Variants in PAH observed in about 807,000 individuals in gnomAD.
PAH encodes the protein phenylalanine hydroxylase, also known as phenylalanine-4-hydroxylase.
Under a neutral mutation model 62.0 loss-of-function variants are expected in PAH, and 64 were observed. The observed-to-expected ratio is 1.03, with a 90% CI of 0.84 to 1.27. The LOEUF (loss-of-function observed/expected upper bound fraction) is 1.27, where lower values mean the gene tolerates loss of function less well. PAH is among the 50% of genes most tolerant of loss of function. The probability of loss-of-function intolerance (pLI) is 0.00; values close to 1 mark genes in which losing one functional copy is unlikely to be tolerated. For missense variants in PAH, 579 were observed against 542.8 expected (o/e 1.07, Z -0.66); for synonymous variants, 195 against 196.2 (o/e 0.99, Z 0.05).
At position 102,877,468 on chromosome 12, in the gene PAH, G is replaced by T. The variant is rs1375045653; in HGVS notation, c.435C>A (p.Asp145Glu). The change falls in exon 4 of 13, where the codon GAC becomes GAA. Residue 145 changes from aspartate (D) to glutamate (E), a missense_variant. Asp to Glu is a conservative substitution (Grantham distance 45). Transcript: ENST00000553106. ...CTACGGGCCATGGACTCACAGGGTG[G>T]TCAGCATCCAGTTCCGCTCCATAGC... Reference protein sequence around the residue: ...ILSYGAELDADHPGFKDPVYR... With the variant: ...ILSYGAELDAEHPGFKDPVYR... 6.2e-6 allele frequency: 10 copies of T among 1,612,818 alleles called. No individual in the cohort carries two copies. Among genetic ancestry groups the T allele is most frequent in the Non-Finnish European group, 8.5e-6 (10 of 1,178,986 alleles).
rs11829260 is a variant in PAH, at chr12:102,857,085, G to A, written c.510-1753C>T. 2.5e-3 allele frequency among the ~76,000 whole-genome samples: 384 copies of A among 152,274 alleles called. 1 individual carries two copies. The highest frequency in any genetic ancestry group is 8.9e-3 in the African/African-American group (368 of 41,554). ...AAAGAAGCTAAAAACCTTGAAAAAA[G>A]ATTAGATGAATGGCTAACTAGAATA... On this transcript the variant is annotated intron_variant, in intron 5 of 12. Transcript: ENST00000553106.
At chr12:102,881,629 A>T (rs1186797304) in intron 3 of PAH, among the ~76,000 whole-genome samples, 17 of 151,922 alleles carry the variant, frequency 1.1e-4, no homozygotes, top group Admixed American at 1.1e-3. Flanking sequence ...TCATCACCCT[A>T]CCCCCTGGCA....
chr12:102,867,898 G>T (rs376069576), intron 4 of PAH, among the ~76,000 whole-genome samples: 16 of 118,558 alleles, frequency 1.3e-4, no homozygotes, highest in African/African-American at 2.2e-4. Context: ...TACATATATA[G>T]ATGTATATAT....
At chr12:102,852,641 T>A (rs1297052855) in intron 7 of PAH, among the ~76,000 whole-genome samples, 174 bp downstream of exon 7, 1 of 152,186 alleles carries the variant, frequency 6.6e-6, no homozygotes, top group Non-Finnish European at 1.5e-5. Flanking sequence ...CTGGTCTATC[T>A]ACTTGGATGG....
intron 5 of PAH, among the ~76,000 whole-genome samples, chr12:102,856,255 A>C (rs542732783): frequency 6.6e-6 from 1 of 152,136 alleles, no homozygotes; most frequent in Non-Finnish European, 1.5e-5. Flanking sequence ...GGGAAGGCTC[A>C]CATATCTGGA....
intron 4 of PAH, among the ~76,000 whole-genome samples, chr12:102,871,452 C>T (rs1876313342): frequency 6.6e-6 from 1 of 152,182 alleles, no homozygotes; most frequent in Admixed American, 6.5e-5. Context: ...TCTGTTCTTT[C>T]TGTCTTCCTG....
chr12:102,861,977 A>G (rs558166457), intron 5 of PAH, among the ~76,000 whole-genome samples: 1 of 151,936 alleles, frequency 6.6e-6, no homozygotes, highest in East Asian at 1.9e-4. Flanking sequence ...AAAAAAAAAA[A>G]AAAAAGAAAG....
chr12:102,893,484 C>T (rs1877366043), intron 3 of PAH, among the ~76,000 whole-genome samples: 1 of 152,128 alleles, frequency 6.6e-6, no homozygotes, highest in Non-Finnish European at 1.5e-5. Flanking sequence ...CCCTAAAAAG[C>T]AGTCACCTTC....
At chr12:102,956,477 G>C (rs1489116993) in intron 1 of PAH, among the ~76,000 whole-genome samples, 2 of 151,732 alleles carry the variant, frequency 1.3e-5, no homozygotes, top group African/African-American at 4.8e-5. Context: ...GGCCCCGCCG[G>C]GCTCCGCTCC....
Position 102,887,533 on chromosome 12 carries a change from G to A in PAH, c.352+7202C>T, listed in dbSNP as rs117240620. On this transcript the variant is annotated intron_variant, in intron 3 of 12. Transcript: ENST00000553106. ...GTCCACGGAGCTGGTGGTGACAAGT[G>A]ACCTGTTATTGGCTGGGGTTATAGA... Among the ~76,000 whole-genome samples, 90 of 152,116 alleles carry A rather than the reference G, an allele frequency of 5.9e-4. 1 individual carries two copies. In the East Asian group the frequency reaches 0.016, roughly 28 times the overall value.
At chr12:102,897,054 TAA>T (rs975823420) in intron 2 of PAH, among the ~76,000 whole-genome samples, 1 of 152,186 alleles carries the variant, frequency 6.6e-6, no homozygotes, top group African/African-American at 2.4e-5. Flanking sequence ...GCAATATACA[TAA>T]AGTTTTGCCT....
At chr12:102,855,473 G>C in intron 5 of PAH, 141 bp from the exon 6 acceptor site, 3 of 682,390 alleles carry the variant, frequency 4.4e-6, no homozygotes, top group Admixed American at 2.5e-5. Flanking sequence ...TTATTTGAAA[G>C]AGAAAAATTC....
chr12:102,919,088 C>T (rs538392936), upstream of PAH, among the ~76,000 whole-genome samples: 3 of 152,296 alleles, frequency 2.0e-5, no homozygotes, highest in African/African-American at 7.2e-5. Flanking sequence ...GAACTATGCA[C>T]TCCCTTTTAA....
At chr12:102,955,011 G>T (rs529508858), upstream of PAH, among the ~76,000 whole-genome samples, 1 of 152,138 alleles carries the variant, frequency 6.6e-6, no homozygotes, top group Non-Finnish European at 1.5e-5. Context: ...AGAAGAGTGA[G>T]GTCAGGCTCA....
chr12:102,931,783 A>G (rs1263186600), intron 1 of PAH, among the ~76,000 whole-genome samples: 2 of 152,138 alleles, frequency 1.3e-5, no homozygotes, highest in African/African-American at 4.8e-5. Flanking sequence ...CCCTCAATAC[A>G]GAGACTGAGT....
intron 2 of PAH, 147 bp downstream of exon 2, chr12:102,912,644 G>T (rs1452934091): frequency 1.5e-6 from 1 of 684,250 alleles, no homozygotes; most frequent in African/African-American, 1.8e-5. Context: ...CTTAACTAAG[G>T]TCACACAGTT....
intron 1 of PAH, among the ~76,000 whole-genome samples, chr12:102,923,021 C>A (rs1878595372): frequency 6.6e-6 from 1 of 152,188 alleles, no homozygotes; most frequent in Non-Finnish European, 1.5e-5. Context: ...TGTCCACTTT[C>A]CCTATAGTTT....
rs751112303 is a variant in PAH, at chr12:102,839,166, T to C, written c.*9A>G. The C allele has an allele frequency of 1.2e-6, 2 of 1,612,742 alleles. No homozygotes were observed. The highest frequency in any genetic ancestry group is 1.7e-6 in the Non-Finnish European group (2 of 1,178,796). ...TTCACAGCTGACAGACCACATTCTGTCCATGGCTTTACTTTATTTTCTGGA... is the reference window on the plus strand; with the variant it reads ...TTCACAGCTGACAGACCACATTCTGCCCATGGCTTTACTTTATTTTCTGGA... On this transcript the variant is annotated 3_prime_UTR_variant, in exon 13 of 13. Coordinates refer to ENST00000553106, the MANE Select transcript of PAH (RefSeq NM_000277.3).
At chr12:102,857,787 C>T (rs1029639470) in intron 5 of PAH, among the ~76,000 whole-genome samples, 3 of 152,132 alleles carry the variant, frequency 2.0e-5, no homozygotes, top group African/African-American at 4.8e-5. Flanking sequence ...GAGATTTTGT[C>T]ACCACCATGC....
Sources: gnomAD v4.1 joint callset for allele counts (sites outside exome capture counted in the v4.1 genomes callset) on GRCh38, gnomAD v4.1.1 for gene constraint, MANE v1.5 for transcripts, NCBI Gene and HGNC (gene_info 2026-07-23, HGNC 2026-07-21) for gene names.